Variants in NCOA1 observed in about 807,000 individuals in gnomAD.
NCOA1 encodes Hin-2 protein.
In NCOA1, 35 loss-of-function variants were observed where a neutral mutation model predicts 150.9. The observed-to-expected ratio is 0.23, with a 90% CI of 0.18 to 0.31. NCOA1 has a LOEUF of 0.31. NCOA1 is among the 10% of genes least tolerant of loss of function. The probability of loss-of-function intolerance (pLI) is 1.00; values close to 1 mark genes in which losing one functional copy is unlikely to be tolerated. For missense variants in NCOA1, 1,491 were observed against 1,749.3 expected, an observed-to-expected ratio of 0.85 and a Z score of 2.63; for synonymous variants, 590 against 630.0, an observed-to-expected ratio of 0.94 and a Z score of 0.95.
At chr2:24,628,295 C>T (rs553277660) in intron 3 of NCOA1, among the ~76,000 whole-genome samples, 27 of 107,354 alleles carry the variant, frequency 2.5e-4, no homozygotes, top group Non-Finnish European at 4.7e-4. Context: ...AGCGAAACTC[C>T]ATCTCAGAAA....
At chr2:24,596,754 C>T (rs529835285) in intron 3 of NCOA1, among the ~76,000 whole-genome samples, 1 of 152,104 alleles carries the variant, frequency 6.6e-6, no homozygotes, top group Admixed American at 6.5e-5. Context: ...AAGATGATTT[C>T]AAAATAAAGG....
At chr2:24,709,561 T>C (rs1482605382) in intron 13 of NCOA1, among the ~76,000 whole-genome samples, 1 of 152,214 alleles carries the variant, frequency 6.6e-6, no homozygotes, top group Non-Finnish European at 1.5e-5. Context: ...AGTCCTTTAT[T>C]GGACATATAT....
In NCOA1 at chr2:24,500,689, T is replaced by C. The variant is rs535134206; in HGVS notation, c.-396+9087T>C. Among the ~76,000 whole-genome samples, 53 of 152,338 alleles carry C rather than the reference T, an allele frequency of 3.5e-4. 2 individuals are homozygous for C. In the South Asian group the frequency reaches 6.6e-3, roughly 19 times the overall value. On this transcript the variant is annotated intron_variant, in intron 1 of 22. Transcript: ENST00000348332. Reference sequence around the variant, plus strand: ...TAACTTAAAGATGACTTACTCAGTATTTTTTCACAAAAAGACAAATGTCCC... The same window carrying C: ...TAACTTAAAGATGACTTACTCAGTACTTTTTCACAAAAAGACAAATGTCCC...
chr2:24,715,552 C>T (rs1361330017), intron 14 of NCOA1, among the ~76,000 whole-genome samples: 1 of 152,090 alleles, frequency 6.6e-6, no homozygotes, highest in Non-Finnish European at 1.5e-5. Flanking sequence ...AGCAAAGTCA[C>T]AATATGTGTA....
At chr2:24,708,415 G>C (rs1673570019) in intron 13 of NCOA1, among the ~76,000 whole-genome samples, 1 of 152,066 alleles carries the variant, frequency 6.6e-6, no homozygotes, top group Non-Finnish European at 1.5e-5. Flanking sequence ...AATATTCTGG[G>C]TAACAGAATA....
At chr2:24,621,508 C>G (rs187474880) in intron 3 of NCOA1, among the ~76,000 whole-genome samples, 1 of 121,104 alleles carries the variant, frequency 8.3e-6, no homozygotes, top group Admixed American at 1.1e-4. Flanking sequence ...CACTCCGTCT[C>G]AAGGCTGGAG....
chr2:24,770,276 C>T lies in NCOA1; in HGVS notation c.*1885C>T, dbSNP rs952511703. The T allele has an allele frequency of 1.7e-5, 4 of 230,262 alleles. No individual in the cohort carries two copies. The highest frequency in any genetic ancestry group is 5.7e-5 in the Admixed American group (1 of 17,672). 14.3% of individuals were successfully genotyped at this position (230,262 alleles called of 1,614,324 possible). On this transcript the variant is annotated 3_prime_UTR_variant, in exon 23 of 23. Coordinates refer to ENST00000348332, the MANE Select transcript of NCOA1 (RefSeq NM_003743.5). ...CCATTTTGTTTGTGATATTTAGACGCGCAGACTTCAGGAAGTTCACCTTTA... is the reference window on the plus strand; with the variant it reads ...CCATTTTGTTTGTGATATTTAGACGTGCAGACTTCAGGAAGTTCACCTTTA...
At chr2:24,525,398 A>G (rs974692289) in intron 1 of NCOA1, among the ~76,000 whole-genome samples, 2 of 152,232 alleles carry the variant, frequency 1.3e-5, no homozygotes, top group African/African-American at 4.8e-5. Flanking sequence ...GATACAGAGA[A>G]CAAGGGTGGC....
At chr2:24,698,706 G>T (rs1447877752) in intron 11 of NCOA1, among the ~76,000 whole-genome samples, 1 of 152,070 alleles carries the variant, frequency 6.6e-6, no homozygotes, top group Non-Finnish European at 1.5e-5. Context: ...GAATCTCATT[G>T]TATGGCTTTT....
intron 1 of NCOA1, among the ~76,000 whole-genome samples, chr2:24,552,448 C>T (rs577672842): frequency 1.2e-4 from 16 of 137,662 alleles, no homozygotes; most frequent in South Asian, 9.6e-4. Context: ...TTCACTGCAA[C>T]GTCTGCCTCC....
At chr2:24,528,059 G>A (rs1664724426) in intron 1 of NCOA1, among the ~76,000 whole-genome samples, 1 of 152,038 alleles carries the variant, frequency 6.6e-6, no homozygotes, top group African/African-American at 2.4e-5. Context: ...TATAAATTTT[G>A]GATATTAATG....
Position 24,768,515 on chromosome 2 carries a change from GCAAA to G in NCOA1, c.*125_*128del. On this transcript the variant is annotated 3_prime_UTR_variant, in exon 23 of 23. Transcript: ENST00000348332. Reference sequence around the variant, plus strand: ...CATTCTTCAGGTCGTAGCATTTGGAGCAAAAAAAAAAAAAAAAAAAAAAAAAGGA... The same window carrying G: ...CATTCTTCAGGTCGTAGCATTTGGAGAAAAAAAAAAAAAAAAAAAAAAGGA... The G allele has an allele frequency of 6.4e-5, 6 of 94,402 alleles. No homozygotes were observed. Among genetic ancestry groups the G allele is most frequent in the Admixed American group, 3.3e-4 (2 of 5,996 alleles). 5.8% of individuals were successfully genotyped at this position (94,402 alleles called of 1,614,324 possible). A position where few individuals can be genotyped will look rare whatever the true frequency, so the allele number is the denominator to read the frequency against.
intron 2 of NCOA1, among the ~76,000 whole-genome samples, chr2:24,574,182 T>C (rs1666856422): frequency 1.3e-5 from 2 of 152,032 alleles, no homozygotes; most frequent in Non-Finnish European, 2.9e-5. Context: ...ATAGAAAAGA[T>C]GTTTAAAAAA....
chr2:24,722,221 C>T (rs1316343811), intron 14 of NCOA1, among the ~76,000 whole-genome samples: 1 of 152,174 alleles, frequency 6.6e-6, no homozygotes, highest in Non-Finnish European at 1.5e-5. Context: ...CACACACACA[C>T]ACCCAAGCAG....
At chr2:24,681,906 G>A (rs1453043314) in intron 7 of NCOA1, among the ~76,000 whole-genome samples, 1 of 152,012 alleles carries the variant, frequency 6.6e-6, no homozygotes, top group Non-Finnish European at 1.5e-5. Context: ...AGTAGAGACG[G>A]GGTTTCACCA....
chr2:24,599,467 G>C (rs1668017305), intron 3 of NCOA1, among the ~76,000 whole-genome samples: 1 of 152,154 alleles, frequency 6.6e-6, no homozygotes, highest in Non-Finnish European at 1.5e-5. Context: ...AACAAAAACT[G>C]TAGCAGTTTA....
At position 24,707,831 on chromosome 2, in the gene NCOA1, C is replaced by G. The variant is rs774871839; in HGVS notation, c.2361C>G (p.Asn787Lys). The G allele has an allele frequency of 6.2e-7, 1 of 1,613,284 alleles. No homozygotes were observed. The highest frequency in any genetic ancestry group is 8.5e-7 in the Non-Finnish European group (1 of 1,179,814). The change falls in exon 13 of 23, where the codon AAC becomes AAG. Residue 787 changes from asparagine to lysine, a missense_variant. By Grantham distance (94) the Asn-to-Lys change is moderately conservative. Coordinates refer to ENST00000348332, the MANE Select transcript of NCOA1 (RefSeq NM_003743.5). Reference protein sequence around the residue: ...KKEQMDPCNTNPTPMTKPTPE... With the variant: ...KKEQMDPCNTKPTPMTKPTPE... ...AACAGATGGATCCATGTAATACAAA[C>G]CCAACCCCAATGACCAAACCCACTC... is the stretch of plus-strand genomic sequence containing the variant.
At chr2:24,623,856 A>T (rs1669284628) in intron 3 of NCOA1, among the ~76,000 whole-genome samples, 1 of 152,128 alleles carries the variant, frequency 6.6e-6, no homozygotes, top group South Asian at 2.1e-4. Flanking sequence ...TTAGGACTTC[A>T]TTTAACCTTA....
At chr2:24,612,653 A>G (rs1028924897) in intron 3 of NCOA1, among the ~76,000 whole-genome samples, 1 of 152,008 alleles carries the variant, frequency 6.6e-6, no homozygotes, top group African/African-American at 2.4e-5. Context: ...AAGCTCTGAA[A>G]TTCTTTCTTC....
Sources: allele counts gnomAD v4.1 joint callset (sites outside exome capture counted in the v4.1 genomes callset), GRCh38; gene constraint gnomAD v4.1.1; transcripts MANE v1.5; gene names NCBI Gene and HGNC (gene_info 2026-07-23, HGNC 2026-07-21).